The following ADARB2 variants were observed in gnomAD, a reference collection of about 807,000 sequenced individuals.
The protein encoded by ADARB2 is adenosine deaminase RNA specific B2 (inactive).
A neutral mutation model predicts 62.2 loss-of-function variants in ADARB2; 25 were observed. The ratio of observed to expected loss-of-function variants is 0.40; its 90% CI spans 0.29 to 0.56. The LOEUF (loss-of-function observed/expected upper bound fraction) is 0.56. ADARB2 is among the 20% of genes least tolerant of loss of function. The pLI, the probability that ADARB2 is intolerant of heterozygous loss-of-function variation, is 0.43. For synonymous variants in ADARB2, 572 were observed against 500.8 expected (o/e 1.14, Z -1.90); for missense variants, 1,071 against 1,077.4 (o/e 0.99, Z 0.08).
chr10:1,413,686 G>C (rs759466307), intron 1 of ADARB2, among the ~76,000 whole-genome samples: 30 of 152,304 alleles, frequency 2.0e-4, no homozygotes, highest in Middle Eastern at 3.4e-3. Context: ...CGGGCCTTCT[G>C]TTCTGCCCAG....
At chr10:1,600,573 G>A (rs4242729) in intron 1 of ADARB2, among the ~76,000 whole-genome samples, 135,803 of 150,638 alleles carry the variant, frequency 0.9, 61,248 homozygotes, top group South Asian at 0.94. Context: ...GAGTCATGAG[G>A]ATCACTTGAA....
intron 2 of ADARB2, among the ~76,000 whole-genome samples, chr10:1,376,555 C>CA (rs1351793962): frequency 6.6e-6 from 1 of 152,154 alleles, no homozygotes; most frequent in African/African-American, 2.4e-5. Flanking sequence ...GTGGGGTGGG[C>CA]ACGTCCCTCT....
At position 1,192,669 on chromosome 10, in the gene ADARB2, C is replaced by T. The variant is rs1032211427; in HGVS notation, c.1864+7297G>A. ...ATAGTCCTAAAAACTTCTGTGGGTT[C>T]GGCCTGGCACGGTGGCTTACGCCTG... On this transcript the variant is annotated intron_variant, in intron 8 of 9. Transcript: ENST00000381312. Among the ~76,000 whole-genome samples the T allele has an allele frequency of 1.2e-4, 18 of 152,282 alleles. No homozygotes were observed. The South Asian group carries it at 2.3e-3, about 19-fold the overall frequency.
intron 1 of ADARB2, among the ~76,000 whole-genome samples, chr10:1,733,505 T>G (rs930275002): frequency 2.6e-5 from 4 of 152,208 alleles, no homozygotes; most frequent in Admixed American, 1.3e-4. Flanking sequence ...AAGAAATTCC[T>G]CATACATACT....
intron 1 of ADARB2, 55 bp downstream of exon 1, chr10:1,736,996 G>T (rs749088360): frequency 8.3e-6 from 13 of 1,574,988 alleles, no homozygotes; most frequent in Non-Finnish European, 1.1e-5. Context: ...AGAGGCCGGG[G>T]TGGAGAAGCC....
chr10:1,279,181 C>T (rs1831348647), intron 3 of ADARB2, among the ~76,000 whole-genome samples: 1 of 152,156 alleles, frequency 6.6e-6, no homozygotes, highest in Non-Finnish European at 1.5e-5. Context: ...ATGGTGTCGG[C>T]CAGGTCAGTT....
At chr10:1,299,629 C>T (rs1354031199) in intron 3 of ADARB2, among the ~76,000 whole-genome samples, 1 of 152,190 alleles carries the variant, frequency 6.6e-6, no homozygotes, top group Non-Finnish European at 1.5e-5. Flanking sequence ...AGCTGCCCTC[C>T]CATCCCACAC....
chr10:1,468,676 G>A (rs1307568090), intron 1 of ADARB2, among the ~76,000 whole-genome samples: 1 of 152,220 alleles, frequency 6.6e-6, no homozygotes, highest in Non-Finnish European at 1.5e-5. Flanking sequence ...CAGCAGCGCT[G>A]TCCAACCCAT....
chr10:1,480,780 G>A (rs992753495), intron 1 of ADARB2, among the ~76,000 whole-genome samples: 3 of 151,852 alleles, frequency 2.0e-5, no homozygotes, highest in Non-Finnish European at 2.9e-5. Flanking sequence ...GAAGGTAAAA[G>A]CCTTGGATAC....
At chr10:1,723,009 TACACATGCACATACAC>T (rs1211692631) in intron 1 of ADARB2, among the ~76,000 whole-genome samples, 8 of 152,206 alleles carry the variant, frequency 5.3e-5, no homozygotes. Context: ...TATTCATGTG[TACACATGCACATACAC>T]ACACATGCAC....
intron 6 of ADARB2, among the ~76,000 whole-genome samples, chr10:1,223,223 T>C (rs1489167496): frequency 2.0e-5 from 3 of 152,236 alleles, no homozygotes; most frequent in African/African-American, 4.8e-5. Context: ...TGTTTGTCTG[T>C]TATTGGTGTA....
At chr10:1,656,304 C>T (rs1201254936) in intron 1 of ADARB2, among the ~76,000 whole-genome samples, 3 of 152,216 alleles carry the variant, frequency 2.0e-5, no homozygotes, top group Admixed American at 1.3e-4. Flanking sequence ...AACCTAGGGA[C>T]TCATGGCGTC....
intron 1 of ADARB2, among the ~76,000 whole-genome samples, chr10:1,483,312 T>C (rs1831499615): frequency 1.3e-5 from 2 of 152,252 alleles, no homozygotes; most frequent in Admixed American, 1.3e-4. Context: ...GTCATTTTTC[T>C]GAACACGTGA....
intron 3 of ADARB2, among the ~76,000 whole-genome samples, chr10:1,301,781 A>G (rs897885256): frequency 2.0e-4 from 30 of 152,212 alleles, no homozygotes; most frequent in Non-Finnish European, 3.5e-4. Flanking sequence ...TAACAAATAG[A>G]CTATATTTTA....
intron 2 of ADARB2, among the ~76,000 whole-genome samples, chr10:1,378,549 G>T (rs937344406): frequency 6.6e-6 from 1 of 152,040 alleles, no homozygotes; most frequent in Non-Finnish European, 1.5e-5. Flanking sequence ...CTGCAGGTGC[G>T]GGTAAGGTTC....
chr10:1,585,150 G>A (rs897284733), intron 1 of ADARB2, among the ~76,000 whole-genome samples: 1 of 151,986 alleles, frequency 6.6e-6, no homozygotes, highest in African/African-American at 2.4e-5. Context: ...TAGGTTCATC[G>A]ACTACAACAA....
intron 1 of ADARB2, among the ~76,000 whole-genome samples, chr10:1,573,429 C>A (rs992060655): frequency 1.3e-5 from 2 of 152,132 alleles, no homozygotes; most frequent in Non-Finnish European, 2.9e-5. Context: ...GAGTGTGGAG[C>A]GGAAACTGGT....
intron 1 of ADARB2, chr10:1,675,937 T>G: frequency 1.1e-6 from 1 of 929,836 alleles, no homozygotes; most frequent in Non-Finnish European, 1.3e-6. Context: ...GAGTTGAATC[T>G]GCTCAGACTT....
rs1414374289 is a variant in ADARB2 at position 1,477,867 on chromosome 10, C to T, written c.101-98707G>A. ...GGGCAGGTGCCTCCCCAGAACGCTT[C>T]TCACAGGTGCACTGGGAGGTTCCCT... On this transcript the variant is annotated intron_variant, in intron 1 of 9. Transcript: ENST00000381312. This position sits in a 1 kb window ranked among gnomAD's most constrained non-coding sequence, Gnocchi z 4.5. Among the ~76,000 whole-genome samples the T allele has an allele frequency of 6.6e-6, 1 of 152,260 alleles. No individual in the cohort carries two copies. The highest frequency in any genetic ancestry group is 1.5e-5 in the Non-Finnish European group (1 of 68,040).
Sources: gnomAD v4.1 joint callset for allele counts (sites outside exome capture counted in the v4.1 genomes callset) on GRCh38, gnomAD v4.1.1 for gene constraint, Gnocchi (gnomAD v3.1) non-coding constraint, MANE v1.5 for transcripts, NCBI Gene and HGNC (gene_info 2026-07-23, HGNC 2026-07-21) for gene names.